The following UNC5D variants were observed in gnomAD, a reference collection of about 807,000 sequenced individuals.
UNC5D encodes unc-5 netrin receptor D.
A neutral mutation model predicts 105.4 loss-of-function variants in UNC5D; 39 were observed. The ratio of observed to expected loss-of-function variants is 0.37; its 90% confidence interval spans 0.29 to 0.48. UNC5D has a LOEUF of 0.48. UNC5D is among the 20% of genes least tolerant of loss of function. UNC5D has a pLI of 0.98. For synonymous variants in UNC5D, 452 were observed against 450.4 expected (o/e 1.00, Z -0.04); for missense variants, 991 against 1,202.4 (o/e 0.82, Z 2.60).
chr8:35,446,640 G>A (rs1441413164), intron 1 of UNC5D, among the ~76,000 whole-genome samples: 3 of 152,050 alleles, frequency 2.0e-5, no homozygotes, highest in Admixed American at 2.0e-4. Context: ...GAAATTCCCT[G>A]TTGTTTTAAT....
chr8:35,261,308 G>T (rs1291927160), intron 1 of UNC5D, among the ~76,000 whole-genome samples: 1 of 152,144 alleles, frequency 6.6e-6, no homozygotes, highest in Non-Finnish European at 1.5e-5. Flanking sequence ...CTGCACAATT[G>T]ATGTTTCTTT....
At chr8:35,259,184 G>A (rs1475582903) in intron 1 of UNC5D, among the ~76,000 whole-genome samples, 1 of 152,176 alleles carries the variant, frequency 6.6e-6, no homozygotes, top group East Asian at 1.9e-4. Context: ...AGAAGGCAGA[G>A]AGAAGAAAAG....
chr8:35,548,584 A>G (rs1348878851), intron 1 of UNC5D, among the ~76,000 whole-genome samples: 2 of 152,160 alleles, frequency 1.3e-5, no homozygotes, highest in Non-Finnish European at 1.5e-5. Flanking sequence ...AATCCAGTTT[A>G]TTCCTTTCAT....
chr8:35,411,904 G>T (rs1425633905), intron 1 of UNC5D, among the ~76,000 whole-genome samples: 1 of 151,938 alleles, frequency 6.6e-6, no homozygotes, highest in South Asian at 2.1e-4. Context: ...TATCTGATTG[G>T]CTCTATTCTA....
At chr8:35,563,057 A>C (rs1475201671) in intron 2 of UNC5D, among the ~76,000 whole-genome samples, 1 of 151,930 alleles carries the variant, frequency 6.6e-6, no homozygotes, top group East Asian at 1.9e-4. Context: ...TGAAGATACT[A>C]TCCTTTCGTC....
At chr8:35,752,160 A>G (rs955089282) in intron 13 of UNC5D, among the ~76,000 whole-genome samples, 1 of 152,138 alleles carries the variant, frequency 6.6e-6, no homozygotes, top group African/African-American at 2.4e-5. Context: ...ACTTTTAATC[A>G]TGTAAGATTC....
At chr8:35,468,773 C>G (rs1040776870) in intron 1 of UNC5D, among the ~76,000 whole-genome samples, 1 of 152,136 alleles carries the variant, frequency 6.6e-6, no homozygotes, top group Non-Finnish European at 1.5e-5. Flanking sequence ...AATAGCAATA[C>G]ATGGTGTCAT....
intron 4 of UNC5D, among the ~76,000 whole-genome samples, chr8:35,623,325 C>T (rs1473847035): frequency 6.6e-6 from 1 of 152,148 alleles, no homozygotes; most frequent in African/African-American, 2.4e-5. Flanking sequence ...AGTAAAATCT[C>T]TATTACTTTG....
chr8:35,346,983 G>T (rs1263894105), intron 1 of UNC5D, among the ~76,000 whole-genome samples: 2 of 151,988 alleles, frequency 1.3e-5, no homozygotes. Flanking sequence ...AGACAAGAGA[G>T]TTTATACATT....
chr8:35,513,124 G>C (rs1812868367), intron 1 of UNC5D, among the ~76,000 whole-genome samples: 1 of 151,892 alleles, frequency 6.6e-6, no homozygotes, highest in East Asian at 1.9e-4. Context: ...CCCACCTCTG[G>C]GACTTCGCAC....
chr8:35,281,860 T>C (rs2128850756), intron 1 of UNC5D, among the ~76,000 whole-genome samples: 1 of 152,346 alleles, frequency 6.6e-6, no homozygotes, highest in Non-Finnish European at 1.5e-5. Context: ...AATAGAGTTA[T>C]GATGTAGCCT....
At chr8:35,317,488 A>G (rs750159192) in intron 1 of UNC5D, among the ~76,000 whole-genome samples, 37 of 152,178 alleles carry the variant, frequency 2.4e-4, no homozygotes, top group Admixed American at 1.1e-3. Flanking sequence ...AAATTTAATT[A>G]TAACAGTTTA....
rs1430166410 is a variant in UNC5D at position 35,774,217 on chromosome 8, C to T, written c.2479-82C>T. ...AAGCATTTTGTGCATGTGTGTTAAC[C>T]CAGATTTTCTTAAAAAATGAAAGTG... On this transcript the variant is annotated intron_variant, in intron 15 of 16. Transcript: ENST00000404895. 11 of 1,535,456 alleles carry T rather than the reference C, an allele frequency of 7.2e-6. No individual in the cohort carries two copies. In the Admixed American group the frequency reaches 1.6e-4, roughly 23 times the overall value.
At chr8:35,409,723 G>T (rs369564790) in intron 1 of UNC5D, among the ~76,000 whole-genome samples, 34 of 151,726 alleles carry the variant, frequency 2.2e-4, no homozygotes, top group African/African-American at 7.5e-4. Context: ...CTTATGTTTT[G>T]CAGAGCAAAA....
chr8:35,422,515 T>C (rs1805985468), intron 1 of UNC5D, among the ~76,000 whole-genome samples: 4 of 152,194 alleles, frequency 2.6e-5, no homozygotes, highest in Admixed American at 2.0e-4. Flanking sequence ...AGCAGGAGAA[T>C]TGCCTCTGCA....
chr8:35,461,918 A>G (rs1808922413), intron 1 of UNC5D, among the ~76,000 whole-genome samples: 1 of 152,178 alleles, frequency 6.6e-6, no homozygotes, highest in Admixed American at 6.5e-5. Flanking sequence ...GTTCAGGCAC[A>G]ACCTTCAGAT....
At chr8:35,543,773 C>G (rs1018312453) in intron 1 of UNC5D, among the ~76,000 whole-genome samples, 2 of 152,166 alleles carry the variant, frequency 1.3e-5, no homozygotes, top group Non-Finnish European at 2.9e-5. Flanking sequence ...GGGTTCCTAA[C>G]ACACCCATCC....
At position 35,670,840 on chromosome 8, in the gene UNC5D, A is replaced by C. The variant is rs1453784989; in HGVS notation, c.571-12707A>C. Among the ~76,000 whole-genome samples the C allele has an allele frequency of 4.6e-5, 7 of 152,168 alleles. No homozygotes were observed. The South Asian group carries it at 6.2e-4, about 14-fold the overall frequency. The stretch of plus-strand genomic sequence containing the variant: ...ATGTATACCTATGTGACAAAGCTGC[A>C]CATTCTGCACATGTATCCTGGAACT... On this transcript the variant is annotated intron_variant, in intron 4 of 16. Coordinates refer to ENST00000404895, the MANE Select transcript of UNC5D (RefSeq NM_080872.4).
At chr8:35,707,718 A>G (rs1167563007) in intron 8 of UNC5D, among the ~76,000 whole-genome samples, 3 of 152,174 alleles carry the variant, frequency 2.0e-5, no homozygotes, top group African/African-American at 7.2e-5. Flanking sequence ...TTAATTTCAC[A>G]CTTAGTTTGT....
Sources: allele counts gnomAD v4.1 joint callset (sites outside exome capture counted in the v4.1 genomes callset), GRCh38; gene constraint gnomAD v4.1.1; transcripts MANE v1.5; gene names NCBI Gene and HGNC (gene_info 2026-07-23, HGNC 2026-07-21).